Variants in GPC6 observed in about 807,000 individuals in gnomAD.
GPC6 encodes glypican 6.
Under a neutral mutation model 55.2 loss-of-function variants are expected in GPC6, and 14 were observed. That is an observed-to-expected ratio of 0.25 (90% CI 0.17 to 0.40). The LOEUF (loss-of-function observed/expected upper bound fraction) is 0.40. Among genes scored for constraint, GPC6 ranks in the 10% least tolerant of loss-of-function variants. The probability of loss-of-function intolerance (pLI) is 1.00; values close to 1 mark genes in which losing one functional copy is unlikely to be tolerated. For missense variants in GPC6, 641 were observed against 708.5 expected (o/e 0.90, Z 1.08); for synonymous variants, 278 against 259.6 (o/e 1.07, Z -0.68).
rs143602758 is a variant in GPC6, at chr13:93,235,814, C to T, written c.160+8198C>T. The stretch of plus-strand genomic sequence containing the variant: ...ACTGGCTTACATAGTCAGGGCAAGC[C>T]GTTATTTCACATAACAAGAAGTCCC... On this transcript the variant is annotated intron_variant, in intron 1 of 8. Coordinates refer to ENST00000377047, the MANE Select transcript of GPC6 (RefSeq NM_005708.5). Among the ~76,000 whole-genome samples, 205 of 147,940 alleles carry T rather than the reference C, an allele frequency of 1.4e-3. 2 individuals carry two copies. The highest frequency in any genetic ancestry group is 4.8e-3 in the African/African-American group (190 of 39,322).
intron 3 of GPC6, among the ~76,000 whole-genome samples, chr13:93,915,392 TC>T (rs1877234218): frequency 6.6e-6 from 1 of 152,204 alleles, no homozygotes; most frequent in African/African-American, 2.4e-5. Flanking sequence ...GGTACTCTTT[TC>T]CCTGTACACG....
chr13:94,271,193 G>T (rs886509080), intron 4 of GPC6, among the ~76,000 whole-genome samples: 12 of 151,022 alleles, frequency 7.9e-5, no homozygotes, highest in South Asian at 6.3e-4. Flanking sequence ...GGGTTTCACC[G>T]TGTTAGCCAG....
At chr13:94,210,233 T>A (rs967906830) in intron 4 of GPC6, among the ~76,000 whole-genome samples, 1 of 150,970 alleles carries the variant, frequency 6.6e-6, no homozygotes, top group Non-Finnish European at 1.5e-5. Flanking sequence ...CTCAGCTCAC[T>A]GCAGCCTCTG....
chr13:94,071,886 G>C (rs947824327), intron 4 of GPC6, among the ~76,000 whole-genome samples: 1 of 152,142 alleles, frequency 6.6e-6, no homozygotes, highest in African/African-American at 2.4e-5. Flanking sequence ...GACACCCAAA[G>C]TCTAATGACC....
intron 3 of GPC6, among the ~76,000 whole-genome samples, chr13:94,016,002 A>G (rs942504030): frequency 2.0e-5 from 3 of 152,292 alleles, no homozygotes; most frequent in African/African-American, 4.8e-5. Flanking sequence ...TCCATCTTGC[A>G]TGACTGAAAC....
chr13:93,362,887 A>G (rs1881092060), intron 1 of GPC6, among the ~76,000 whole-genome samples: 1 of 152,186 alleles, frequency 6.6e-6, no homozygotes, highest in African/African-American at 2.4e-5. Flanking sequence ...CTTAGCAAGT[A>G]CAAATGTGAG....
At chr13:93,369,681 C>T (rs1157836644) in intron 1 of GPC6, among the ~76,000 whole-genome samples, 1 of 151,998 alleles carries the variant, frequency 6.6e-6, no homozygotes, top group Non-Finnish European at 1.5e-5. Context: ...TTCACATTTG[C>T]TATTGTTTTA....
intron 1 of GPC6, among the ~76,000 whole-genome samples, chr13:93,423,259 C>G (rs1041627989): frequency 9.9e-5 from 15 of 152,234 alleles, no homozygotes; most frequent in African/African-American, 3.6e-4. Flanking sequence ...CCGATCAGGC[C>G]AGGTGTATCT....
intron 2 of GPC6, among the ~76,000 whole-genome samples, chr13:93,765,797 T>A (rs1885113896): frequency 6.6e-6 from 1 of 152,208 alleles, no homozygotes; most frequent in Admixed American, 6.5e-5. Context: ...TTAAGAGAAT[T>A]TTCACTTCAT....
At chr13:93,682,539 C>A (rs1404069982) in intron 2 of GPC6, among the ~76,000 whole-genome samples, 1 of 152,132 alleles carries the variant, frequency 6.6e-6, no homozygotes, top group Non-Finnish European at 1.5e-5. Flanking sequence ...CATTCCACAG[C>A]ATCCTCTGCA....
intron 4 of GPC6, among the ~76,000 whole-genome samples, chr13:94,268,757 A>T (rs1891893189): frequency 6.6e-6 from 1 of 152,234 alleles, no homozygotes; most frequent in Non-Finnish European, 1.5e-5. Context: ...AAGGCCTGTG[A>T]CATGGGATGC....
intron 6 of GPC6, among the ~76,000 whole-genome samples, chr13:94,355,228 G>T (rs918000106): frequency 2.0e-5 from 3 of 151,946 alleles, no homozygotes; most frequent in African/African-American, 7.3e-5. Context: ...TTCACCATTT[G>T]GTCAGGCTGG....
intron 4 of GPC6, among the ~76,000 whole-genome samples, chr13:94,037,012 T>A (rs1594685304): frequency 6.6e-6 from 1 of 151,994 alleles, no homozygotes; most frequent in Non-Finnish European, 1.5e-5. Flanking sequence ...CTCTTCTGAG[T>A]TGAACATACA....
intron 3 of GPC6, among the ~76,000 whole-genome samples, chr13:93,914,995 C>CTT (rs1357358964): frequency 1.3e-5 from 2 of 152,286 alleles, no homozygotes; most frequent in South Asian, 4.1e-4. Flanking sequence ...ACATAAATCT[C>CTT]TTTTTGATCT....
At chr13:93,784,046 G>A (rs1212577895) in intron 2 of GPC6, among the ~76,000 whole-genome samples, 2 of 152,142 alleles carry the variant, frequency 1.3e-5, no homozygotes, top group East Asian at 3.9e-4. Flanking sequence ...AGAAGAAGGA[G>A]CATATCTATT....
In GPC6 at chr13:93,598,970, C is replaced by T. The variant is rs547044936; in HGVS notation, c.319+53549C>T. On this transcript the variant is annotated intron_variant, in intron 2 of 8. Coordinates refer to ENST00000377047, the MANE Select transcript of GPC6 (RefSeq NM_005708.5). ...CCATAATTTTTGGTCACCACTGTGT[C>T]TGAGACACCTCAATTTGCAACAGTT... Among the ~76,000 whole-genome samples the T allele has an allele frequency of 1.1e-3, 174 of 152,264 alleles. 2 individuals are homozygous for T. The highest frequency in any genetic ancestry group is 6.8e-3 in the Middle Eastern group (2 of 294).
chr13:94,191,906 A>G (rs957365928), intron 4 of GPC6, among the ~76,000 whole-genome samples: 8 of 152,220 alleles, frequency 5.3e-5, no homozygotes, highest in African/African-American at 1.4e-4. Context: ...TTCCTGGTGT[A>G]TAGAGAAGAA....
chr13:93,806,719 C>A (rs570851662), intron 2 of GPC6, among the ~76,000 whole-genome samples: 1 of 152,198 alleles, frequency 6.6e-6, no homozygotes, highest in African/African-American at 2.4e-5. Flanking sequence ...ATAAAATATA[C>A]AATGTTAGGA....
rs1393995855 is a variant in GPC6 at position 94,168,369 on chromosome 13, CAG to C, written c.878-117979_878-117978del. On this transcript the variant is annotated intron_variant, in intron 4 of 8. Coordinates refer to ENST00000377047, the MANE Select transcript of GPC6 (RefSeq NM_005708.5). ...GTTGGCTGTTAAAGCAGGGAGAAGA[CAG>C]CTTGAGGGAAACAGTCCAGGTGGGG... Among the ~76,000 whole-genome samples, 5 of 152,288 alleles carry C rather than the reference CAG, an allele frequency of 3.3e-5. No homozygotes were observed. The East Asian group carries it at 9.6e-4, about 29-fold the overall frequency.
Sources: allele counts gnomAD v4.1 joint callset (sites outside exome capture counted in the v4.1 genomes callset), GRCh38; gene constraint gnomAD v4.1.1; transcripts MANE v1.5; gene names NCBI Gene and HGNC (gene_info 2026-07-23, HGNC 2026-07-21).